The following TRIM34 variants were observed in gnomAD, a reference collection of about 807,000 sequenced individuals.
The protein encoded by TRIM34 is E3 ubiquitin-protein ligase TRIM34.
A neutral mutation model predicts 38.1 loss-of-function variants in TRIM34; 41 were observed. The observed-to-expected ratio is 1.08, with a 90% CI of 0.84 to 1.40. TRIM34 has a LOEUF of 1.40. Among genes scored for constraint, TRIM34 ranks in the 40% most tolerant of loss-of-function variants. The pLI, the probability that TRIM34 is intolerant of heterozygous loss-of-function variation, is 0.00. For missense variants in TRIM34, 556 were observed against 571.4 expected, an observed-to-expected ratio of 0.97 and a Z score of 0.27; for synonymous variants, 200 against 202.5, an observed-to-expected ratio of 0.99 and a Z score of 0.10.
chr11:5,636,889 G>C (rs1398090037), intron 4 of TRIM34, among the ~76,000 whole-genome samples: 1 of 152,222 alleles, frequency 6.6e-6, no homozygotes, highest in East Asian at 1.9e-4. Flanking sequence ...GCTCACGCCT[G>C]TAATCCCAGC....
At chr11:5,628,806 AT>A (rs71053285) in intron 1 of TRIM34, among the ~76,000 whole-genome samples, 12 of 149,528 alleles carry the variant, frequency 8.0e-5, no homozygotes, top group East Asian at 3.9e-4. Flanking sequence ...GGCAAAGTTG[AT>A]TTTTTTTTTT....
At chr11:5,634,449 C>T (rs371670999) in intron 3 of TRIM34, among the ~76,000 whole-genome samples, 182 bp from the exon 4 acceptor site, 22 of 129,810 alleles carry the variant, frequency 1.7e-4, no homozygotes, top group African/African-American at 5.5e-4. Flanking sequence ...AAAAAAAAAT[C>T]GATATATAGA....
rs1237730914 is a variant in TRIM34 at position 5,633,909 on chromosome 11, G to C, written c.519+10G>C. 7 of 1,612,956 alleles carry C rather than the reference G, an allele frequency of 4.3e-6. No individual in the cohort carries two copies. Among genetic ancestry groups the C allele is most frequent in the Admixed American group, 1.7e-5 (1 of 59,800 alleles). ...GAAAACTTCCTGGAAGGCAAGAGGA[G>C]ATTCTGAAGGTTTTCTGAGACAGGA... On this transcript the variant is annotated intron_variant, in intron 3 of 7. Coordinates refer to ENST00000429814, the MANE Select transcript of TRIM34 (RefSeq NM_021616.6).
At chr11:5,620,971 G>A (rs1848973310), upstream of TRIM34, among the ~76,000 whole-genome samples, 1 of 152,176 alleles carries the variant, frequency 6.6e-6, no homozygotes, top group African/African-American at 2.4e-5. Context: ...TCTGGTCCCA[G>A]CTTTACTAGA....
chr11:5,624,262 A>G (rs1165634743), upstream of TRIM34, among the ~76,000 whole-genome samples: 2 of 152,238 alleles, frequency 1.3e-5, no homozygotes, highest in Non-Finnish European at 2.9e-5. Flanking sequence ...TATATGTTAT[A>G]TGCAATAATA....
At position 5,642,354 on chromosome 11, in the gene TRIM34, G is replaced by T. The variant is rs1313428169; in HGVS notation, c.774-52G>T. On this transcript the variant is annotated intron_variant, in intron 5 of 7. Coordinates refer to ENST00000429814, the MANE Select transcript of TRIM34 (RefSeq NM_021616.6). ...GAGATGAAACCAGTGATGTGGGAGG[G>T]ATGGACACAGGATGAGAGATGTGGG... 14 of 1,517,680 alleles carry T rather than the reference G, an allele frequency of 9.2e-6. No homozygotes were observed. In the East Asian group the frequency reaches 2.9e-4, roughly 32 times the overall value. 94.0% of individuals were successfully genotyped at this position (1,517,680 alleles called of 1,614,324 possible).
chr11:5,623,365 ATTTTTATT>A (rs1185458380), upstream of TRIM34, among the ~76,000 whole-genome samples: 1 of 151,548 alleles, frequency 6.6e-6, no homozygotes, highest in Non-Finnish European at 1.5e-5. Context: ...TATTTTGTTT[ATTTTTATT>A]TTTTTATTTT....
upstream of TRIM34, among the ~76,000 whole-genome samples, chr11:5,620,266 C>T (rs908764458): frequency 2.1e-5 from 3 of 145,538 alleles, no homozygotes; most frequent in Admixed American, 6.9e-5. Flanking sequence ...CAACCTCCGC[C>T]TCCTGGGTTC....
intron 2 of TRIM34, among the ~76,000 whole-genome samples, chr11:5,633,311 C>T (rs1047041190): frequency 1.3e-5 from 2 of 152,022 alleles, no homozygotes; most frequent in Admixed American, 1.3e-4. Context: ...ACACTGTGCT[C>T]AGCTTCCAAT....
At chr11:5,640,820 T>C (rs535920746) in intron 4 of TRIM34, among the ~76,000 whole-genome samples, 3 of 152,212 alleles carry the variant, frequency 2.0e-5, no homozygotes, top group Non-Finnish European at 2.9e-5. Context: ...ACTTAATCTC[T>C]TAACATGTTT....
chr11:5,623,105 C>CTTTTTTTTT (rs11301714), upstream of TRIM34, among the ~76,000 whole-genome samples: 2 of 106,836 alleles, frequency 1.9e-5, no homozygotes, highest in Admixed American at 9.8e-5. Flanking sequence ...CTGTCTGGAG[C>CTTTTTTTTT]TTTTTTTTTT....
intron 1 of TRIM34, among the ~76,000 whole-genome samples, chr11:5,625,384 CTCTCTT>C (rs1404198035): frequency 1.3e-5 from 2 of 152,214 alleles, no homozygotes; most frequent in East Asian, 3.8e-4. Flanking sequence ...AATTCTCTCT[CTCTCTT>C]TCTCTCTCTC....
At position 5,642,476 on chromosome 11, in the gene TRIM34, G is replaced by T. The variant is rs3740997; in HGVS notation, c.844G>T (p.Asp282Tyr). 3 of 1,614,008 alleles carry T rather than the reference G, an allele frequency of 1.9e-6. No individual in the cohort carries two copies. The highest frequency in any genetic ancestry group is 2.5e-6 in the Non-Finnish European group (3 of 1,179,986). ...KKLKTVFHAP[D>Y]LSRMLQMFRE... ...ACTGAAGACTGTATTCCATGCTCCA[G>T]ATCTGAGTAGGATGCTGCAAATGTT... The change falls in exon 6 of 8, where the codon GAT (aspartate) becomes TAT (tyrosine). Residue 282 changes from aspartate to tyrosine, a missense_variant. Transcript: ENST00000429814.
intron 2 of TRIM34, 60 bp from the exon 3 acceptor site, chr11:5,633,744 C>T: frequency 2.0e-6 from 3 of 1,516,252 alleles, no homozygotes; most frequent in East Asian, 2.3e-5. Context: ...CCCTGTTTGT[C>T]CTCTATCCAG....
At chr11:5,626,292 G>C (rs1053797062) in intron 1 of TRIM34, among the ~76,000 whole-genome samples, 33 of 152,196 alleles carry the variant, frequency 2.2e-4, no homozygotes, top group African/African-American at 8.0e-4. Context: ...CATCCAAATA[G>C]AAAGTGATCA....
At chr11:5,623,306 A>T (rs1849060615), upstream of TRIM34, among the ~76,000 whole-genome samples, 2 of 151,960 alleles carry the variant, frequency 1.3e-5, no homozygotes. Context: ...TGAAAGTATT[A>T]GGTTGGTACA....
chr11:5,623,361 G>A (rs1849063846), upstream of TRIM34, among the ~76,000 whole-genome samples: 1 of 151,442 alleles, frequency 6.6e-6, no homozygotes, highest in Non-Finnish European at 1.5e-5. Flanking sequence ...TATTTATTTT[G>A]TTTATTTTTA....
rs1850112290 is a variant in TRIM34, at chr11:5,643,463, G to A, written c.1221G>A (p.Lys407=). The A allele has an allele frequency of 6.2e-7, 1 of 1,614,076 alleles. No individual in the cohort carries two copies. The highest frequency in any genetic ancestry group is 8.5e-7 in the Non-Finnish European group (1 of 1,180,040). Residue 407 remains lysine, a synonymous_variant, in exon 8 of 8, where the codon AAG becomes AAA. Transcript: ENST00000429814. ...TTATAGGGTTACAGAATAAATGTAA[G>A]TATGGTGTCTTTGAAGAGTCTTTGT... The part of the protein sequence containing the change: ...YWVIGLQNKC[K]YGVFEESLSS...
At chr11:5,626,984 G>A (rs888650599) in intron 1 of TRIM34, 8 of 152,604 alleles carry the variant, frequency 5.2e-5, no homozygotes, top group African/African-American at 1.9e-4. Flanking sequence ...CCTCGCTCTG[G>A]GTGGCATGGG....
Sources: allele counts gnomAD v4.1 joint callset (sites outside exome capture counted in the v4.1 genomes callset), GRCh38; gene constraint gnomAD v4.1.1; transcripts MANE v1.5; gene names NCBI Gene and HGNC (gene_info 2026-07-23, HGNC 2026-07-21).